Variants in MAGI2 observed in about 807,000 individuals in gnomAD.
The protein encoded by MAGI2 is membrane associated guanylate kinase, WW and PDZ domain containing 2, also known as membrane-associated guanylate kinase, WW and PDZ domain-containing protein 2.
Under a neutral mutation model 133.3 loss-of-function variants are expected in MAGI2, and 35 were observed. The ratio of observed to expected loss-of-function variants is 0.26; its 90% CI spans 0.20 to 0.35. The LOEUF (loss-of-function observed/expected upper bound fraction) is 0.35, where lower values mean the gene tolerates loss of function less well. Ranked by LOEUF, MAGI2 falls within the 10% of genes least tolerant of loss-of-function variation. The pLI is 1.00. For synonymous variants in MAGI2, 729 were observed against 710.6 expected (o/e 1.03, Z -0.41); for missense variants, 1,636 against 1,863.4 (o/e 0.88, Z 2.25).
At chr7:78,374,838 T>C (rs1004865767) in intron 6 of MAGI2, among the ~76,000 whole-genome samples, 1 of 151,198 alleles carries the variant, frequency 6.6e-6, no homozygotes, top group East Asian at 1.9e-4. Flanking sequence ...TTCTTTTACA[T>C]TGTGTTGATT....
chr7:78,261,305 C>G (rs1300919976), intron 9 of MAGI2, among the ~76,000 whole-genome samples: 1 of 152,130 alleles, frequency 6.6e-6, no homozygotes, highest in East Asian at 1.9e-4. Flanking sequence ...TCTGCTATCC[C>G]TTTACCCTCA....
Position 79,410,965 on chromosome 7 carries a change from AT to A in MAGI2, c.301+42054del, listed in dbSNP as rs1268429960. 13 of 152,284 alleles carry A rather than the reference AT, an allele frequency of 8.5e-5. No homozygotes were observed. The East Asian group carries it at 2.5e-3, about 29-fold the overall frequency. 9.4% of individuals were successfully genotyped at this position (152,284 alleles called of 1,614,324 possible). A position where few individuals can be genotyped will look rare whatever the true frequency, so the allele number is the denominator to read the frequency against. On this transcript the variant is annotated intron_variant, in intron 1 of 21. Transcript: ENST00000354212. ...TATTCTGATGGAATCAGCTCATATA[AT>A]TAGTAGTTAACTCATTAATAACATT...
Position 78,391,658 on chromosome 7 carries a change from G to A in MAGI2, c.1046-22445C>T, listed in dbSNP as rs931573797. On this transcript the variant is annotated intron_variant, in intron 6 of 21. Transcript: ENST00000354212. ...AATGACAGAAATATCAGATTCTTAA[G>A]TGAGTTCAAATTCCTTTCAGTTTTA... is the stretch of plus-strand genomic sequence containing the variant. Among the ~76,000 whole-genome samples the A allele has an allele frequency of 1.2e-4, 19 of 152,264 alleles. No individual in the cohort carries two copies. The East Asian group carries it at 2.5e-3, about 20-fold the overall frequency.
chr7:78,842,698 T>G (rs1198612550), intron 2 of MAGI2, among the ~76,000 whole-genome samples: 6 of 151,864 alleles, frequency 4.0e-5, no homozygotes, highest in Non-Finnish European at 8.8e-5. Context: ...AAAAAAATCC[T>G]ATATGCTTAT....
At chr7:78,479,566 C>A (rs747311165) in intron 6 of MAGI2, among the ~76,000 whole-genome samples, 1 of 151,896 alleles carries the variant, frequency 6.6e-6, no homozygotes, top group Admixed American at 6.6e-5. Context: ...TTGGGAAGAG[C>A]TCTGCAAGCT....
chr7:78,252,792 T>C (rs1792547682), intron 10 of MAGI2: 1 of 151,848 alleles, frequency 6.6e-6, no homozygotes, highest in African/African-American at 2.4e-5. Context: ...ATATAAAAAA[T>C]TAGCCAGATG....
intron 4 of MAGI2, among the ~76,000 whole-genome samples, chr7:78,505,133 CAA>C (rs1794970931): frequency 1.3e-5 from 2 of 152,008 alleles, no homozygotes; most frequent in African/African-American, 4.8e-5. Flanking sequence ...TTTATAACTT[CAA>C]AAGTTAATAG....
intron 3 of MAGI2, chr7:78,616,256 T>C (rs1429439241): frequency 2.6e-5 from 4 of 152,234 alleles, no homozygotes; most frequent in African/African-American, 9.6e-5. Context: ...ACCTCTTTCA[T>C]ACGTTTAACC....
At chr7:78,567,174 AC>A (rs1358493924) in intron 3 of MAGI2, among the ~76,000 whole-genome samples, 13 of 152,210 alleles carry the variant, frequency 8.5e-5, no homozygotes, top group East Asian at 3.8e-4. Flanking sequence ...TTGATAGGAA[AC>A]CTTGACATTC....
intron 1 of MAGI2, among the ~76,000 whole-genome samples, chr7:79,300,086 G>A (rs1427227635): frequency 6.6e-6 from 1 of 152,040 alleles, no homozygotes; most frequent in East Asian, 1.9e-4. Flanking sequence ...TTAGAGCAGT[G>A]TAAGAACAAC....
intron 10 of MAGI2, among the ~76,000 whole-genome samples, chr7:78,209,382 C>T (rs1220329709): frequency 3.3e-5 from 5 of 150,006 alleles, no homozygotes; most frequent in Non-Finnish European, 5.9e-5. Context: ...CTGTCTCAGC[C>T]TCCCGAGTAG....
chr7:79,340,119 A>G (rs905591605), intron 1 of MAGI2, among the ~76,000 whole-genome samples: 2 of 151,760 alleles, frequency 1.3e-5, no homozygotes, highest in Admixed American at 6.6e-5. Context: ...GTTCTGTTCT[A>G]TTAGCTTTGG....
intron 1 of MAGI2, among the ~76,000 whole-genome samples, chr7:79,076,855 C>T (rs1815508571): frequency 6.6e-6 from 1 of 152,214 alleles, no homozygotes. Flanking sequence ...TACCAGGCAT[C>T]TACTTCTTCC....
At chr7:78,861,121 G>A (rs947731007) in intron 2 of MAGI2, among the ~76,000 whole-genome samples, 5 of 152,124 alleles carry the variant, frequency 3.3e-5, no homozygotes, top group African/African-American at 9.7e-5. Context: ...GGAGTGTCCC[G>A]ATTTTCCAGG....
chr7:78,855,029 T>G lies in MAGI2; in HGVS notation c.418+152061A>C, dbSNP rs979027902. Among the ~76,000 whole-genome samples, 6 of 74,692 alleles carry G rather than the reference T, an allele frequency of 8.0e-5. No individual in the cohort carries two copies. The Admixed American group carries it at 8.3e-4, about 10-fold the overall frequency. The allele number at this position is 74,692 out of a possible 152,430, so 49.0% of individuals were successfully genotyped here. On this transcript the variant is annotated intron_variant, in intron 2 of 21. Transcript: ENST00000354212. Reference sequence around the variant, plus strand: ...CACGACGCCCAGCAAATTTTTCTGTTTTTTTTTTGTAGAGATGCGGTTTCG... The same window carrying G: ...CACGACGCCCAGCAAATTTTTCTGTGTTTTTTTTGTAGAGATGCGGTTTCG...
chr7:78,217,404 T>A (rs539097868), intron 10 of MAGI2, among the ~76,000 whole-genome samples: 12 of 152,324 alleles, frequency 7.9e-5, no homozygotes, highest in Admixed American at 6.5e-4. Flanking sequence ...AGGTGCTCAA[T>A]AAATACTTGT....
At chr7:79,148,855 TATATATGTATGTTTTATATAC>T in intron 1 of MAGI2, among the ~76,000 whole-genome samples, 1 of 143,200 alleles carries the variant, frequency 7.0e-6, no homozygotes, top group South Asian at 2.1e-4. Context: ...GTTTTATATA[TATATATGTATGTTTTATATAC>T]ATATATATGT....
At chr7:79,256,489 T>C (rs1341735125) in intron 1 of MAGI2, among the ~76,000 whole-genome samples, 10 of 89,860 alleles carry the variant, frequency 1.1e-4, no homozygotes, top group African/African-American at 1.4e-4. Context: ...TCTCTCTCTT[T>C]TTTTTTTTTT....
At chr7:79,164,479 T>G (rs1562954979) in intron 1 of MAGI2, among the ~76,000 whole-genome samples, 1 of 152,112 alleles carries the variant, frequency 6.6e-6, no homozygotes, top group East Asian at 1.9e-4. Flanking sequence ...CTCCCAATAC[T>G]GAAGAGATTA....
Sources: gnomAD v4.1 joint callset for allele counts (sites outside exome capture counted in the v4.1 genomes callset) on GRCh38, gnomAD v4.1.1 for gene constraint, MANE v1.5 for transcripts, NCBI Gene and HGNC (gene_info 2026-07-23, HGNC 2026-07-21) for gene names.